The following PRKCE variants were observed in gnomAD, a reference collection of about 807,000 sequenced individuals.
The protein encoded by PRKCE is protein kinase C epsilon.
PRKCE carries 16 observed loss-of-function variants against 85.4 expected under a neutral mutation model. The observed-to-expected ratio is 0.19, with a 90% CI of 0.13 to 0.28. The LOEUF (loss-of-function observed/expected upper bound fraction) is 0.28, where lower values mean the gene tolerates loss of function less well. PRKCE is among the 10% of genes least tolerant of loss of function. PRKCE has a pLI of 1.00. For synonymous variants in PRKCE, 388 were observed against 371.5 expected (o/e 1.04, Z -0.51); for missense variants, 573 against 975.2 (o/e 0.59, Z 5.49).
In PRKCE at chr2:45,955,989, G is replaced by A. The variant is rs1369022485; in HGVS notation, c.413-20440G>A. ...AAGCCCTTTGCTCACCCTCAGCCCCGGGTAACCGCTGCGGTCTTTTCAGTG... is the reference window on the plus strand; with the variant it reads ...AAGCCCTTTGCTCACCCTCAGCCCCAGGTAACCGCTGCGGTCTTTTCAGTG... On this transcript the variant is annotated intron_variant, in intron 2 of 14. Coordinates refer to ENST00000306156, the MANE Select transcript of PRKCE (RefSeq NM_005400.3). Among the ~76,000 whole-genome samples the A allele has an allele frequency of 2.6e-5, 4 of 152,124 alleles. No individual in the cohort carries two copies. The East Asian group carries it at 5.8e-4, about 22-fold the overall frequency.
At chr2:45,700,112 G>T (rs956690098) in intron 1 of PRKCE, among the ~76,000 whole-genome samples, 3 of 151,934 alleles carry the variant, frequency 2.0e-5, no homozygotes, top group African/African-American at 7.3e-5. Flanking sequence ...TGGGGTTGAG[G>T]ATGAAATGGG....
chr2:45,735,955 C>G (rs1044064419), intron 1 of PRKCE, among the ~76,000 whole-genome samples: 1 of 152,138 alleles, frequency 6.6e-6, no homozygotes, highest in Non-Finnish European at 1.5e-5. Context: ...TACCATCTGA[C>G]ATACACATTT....
intron 1 of PRKCE, among the ~76,000 whole-genome samples, chr2:45,654,515 T>C (rs1675289771): frequency 6.6e-6 from 1 of 152,230 alleles, no homozygotes; most frequent in Non-Finnish European, 1.5e-5. Flanking sequence ...TCACCGCCTG[T>C]TGCCCATGGC....
chr2:45,719,305 GC>G (rs1311206874), intron 1 of PRKCE, among the ~76,000 whole-genome samples: 1 of 152,198 alleles, frequency 6.6e-6, no homozygotes, highest in Non-Finnish European at 1.5e-5. Flanking sequence ...GATTGCTTTT[GC>G]TTATCTCTGC....
chr2:45,745,521 C>T (rs1028020804), intron 1 of PRKCE, among the ~76,000 whole-genome samples: 2 of 152,210 alleles, frequency 1.3e-5, no homozygotes, highest in African/African-American at 4.8e-5. Flanking sequence ...AGCTTGCTTT[C>T]TTGTTGAAAC....
intron 3 of PRKCE, among the ~76,000 whole-genome samples, chr2:45,977,672 G>C (rs538605375): frequency 6.6e-6 from 1 of 151,944 alleles, no homozygotes; most frequent in Admixed American, 6.6e-5. Context: ...GAGGAGAGGG[G>C]CTGAGATAAA....
At chr2:45,708,115 TCCTCC>T (rs137929883) in intron 1 of PRKCE, among the ~76,000 whole-genome samples, 34 of 152,288 alleles carry the variant, frequency 2.2e-4, no homozygotes, top group Non-Finnish European at 3.7e-4. Context: ...CCTCTGTCAC[TCCTCC>T]CTACGCATCA....
chr2:46,063,516 G>T (rs1259610216), intron 10 of PRKCE, among the ~76,000 whole-genome samples: 1 of 152,172 alleles, frequency 6.6e-6, no homozygotes, highest in Non-Finnish European at 1.5e-5. Context: ...CTCCCAGATG[G>T]TTTCTGTGGT....
At chr2:45,951,849 T>C (rs1700643959) in intron 2 of PRKCE, among the ~76,000 whole-genome samples, 1 of 152,232 alleles carries the variant, frequency 6.6e-6, no homozygotes, top group African/African-American at 2.4e-5. Context: ...GTTTTGTTTT[T>C]TGAGACGGAG....
At chr2:45,761,370 A>G (rs922139630) in intron 1 of PRKCE, among the ~76,000 whole-genome samples, 2 of 151,774 alleles carry the variant, frequency 1.3e-5, no homozygotes, top group African/African-American at 4.8e-5. Flanking sequence ...AGAAAGGAAT[A>G]CATGCCAGTA....
intron 14 of PRKCE, among the ~76,000 whole-genome samples, chr2:46,181,548 C>T (rs1679978293): frequency 6.6e-6 from 1 of 152,298 alleles, no homozygotes; most frequent in Middle Eastern, 3.4e-3. Flanking sequence ...TGGAATGACA[C>T]CACTAGCAGT....
At chr2:45,887,119 T>C (rs77968235) in intron 2 of PRKCE, among the ~76,000 whole-genome samples, 2,458 of 152,314 alleles carry the variant, frequency 0.016, 31 homozygotes, top group African/African-American at 0.039. Flanking sequence ...ACAGAGTTGC[T>C]CCTCCAGAAG....
intron 6 of PRKCE, among the ~76,000 whole-genome samples, chr2:45,993,514 A>C (rs562548891): frequency 2.6e-5 from 4 of 152,330 alleles, no homozygotes; most frequent in African/African-American, 9.6e-5. Context: ...ACCAAAACCA[A>C]AAAAAGATAC....
At position 46,001,624 on chromosome 2, in the gene PRKCE, G is replaced by A; in HGVS notation, c.966+78G>A. The A allele has an allele frequency of 6.8e-7, 1 of 1,475,958 alleles. No homozygotes were observed. Among genetic ancestry groups the A allele is most frequent in the Non-Finnish European group, 9.0e-7 (1 of 1,107,458 alleles). 91.4% of individuals were successfully genotyped at this position (1,475,958 alleles called of 1,614,324 possible). ...GTGCTGACTTCCAGAGGGTGCTCTG[G>A]AGTGAGGTAATAAGATTCCTGGGTT... On this transcript the variant is annotated intron_variant, in intron 7 of 14. Transcript: ENST00000306156. The surrounding 1 kb of genome is among the most constrained non-coding windows in gnomAD (Gnocchi z 4.4).
intron 10 of PRKCE, among the ~76,000 whole-genome samples, chr2:46,081,606 G>A (rs111471485): frequency 1.4e-4 from 21 of 152,344 alleles, no homozygotes; most frequent in Admixed American, 1.4e-3. Context: ...AGAAAAGATG[G>A]TTGTGCTGAG....
chr2:46,045,453 T>C (rs1268369866), intron 10 of PRKCE, among the ~76,000 whole-genome samples: 1 of 152,248 alleles, frequency 6.6e-6, no homozygotes, highest in Non-Finnish European at 1.5e-5. Context: ...GCCAGGTTCA[T>C]GGGTTGGTGG....
At chr2:45,865,817 T>TCTTC (rs60846064) in intron 2 of PRKCE, among the ~76,000 whole-genome samples, 9,298 of 100,418 alleles carry the variant, frequency 0.093, 356 homozygotes, top group East Asian at 0.31. Flanking sequence ...TTCTTCTTCT[T>TCTTC]TTTTTTTTTT....
In PRKCE at chr2:46,004,610, G is replaced by A. The variant is rs543962581; in HGVS notation, c.1035G>A (p.Lys345=). Residue 345 remains lysine, a synonymous_variant, in exon 8 of 15, where the codon AAG becomes AAA. Transcript: ENST00000306156. This position sits in a 1 kb window ranked among gnomAD's most constrained non-coding sequence, Gnocchi z 4.1. ...CACCATCTGAGGAAGATCGATCCAA[G>A]TCAGCACCCACCTCCCCTTGTGACC... ...GSSPSEEDRS[K]SAPTSPCDQE... 3.8e-6 allele frequency: 6 copies of A among 1,590,442 alleles called. No homozygotes were observed. The East Asian group carries it at 1.3e-4, about 36-fold the overall frequency.
intron 10 of PRKCE, among the ~76,000 whole-genome samples, chr2:46,075,787 AT>A (rs1409910366): frequency 3.9e-5 from 6 of 152,182 alleles, no homozygotes; most frequent in Non-Finnish European, 5.9e-5. Context: ...TCAAAAAGGG[AT>A]TTGACTAAGG....
Sources: allele counts gnomAD v4.1 joint callset (sites outside exome capture counted in the v4.1 genomes callset), GRCh38; gene constraint gnomAD v4.1.1; non-coding constraint Gnocchi (gnomAD v3.1); transcripts MANE v1.5; gene names NCBI Gene and HGNC (gene_info 2026-07-23, HGNC 2026-07-21).